Variants in CERS3 observed in about 807,000 individuals in gnomAD.
CERS3 encodes LAG1 homolog, ceramide synthase 3.
Under a neutral mutation model 50.3 loss-of-function variants are expected in CERS3, and 33 were observed. The ratio of observed to expected loss-of-function variants is 0.66; its 90% confidence interval spans 0.50 to 0.88. The LOEUF (loss-of-function observed/expected upper bound fraction) is 0.88, where lower values mean the gene tolerates loss of function less well. CERS3 is among the 40% of genes least tolerant of loss of function. The pLI, the probability that CERS3 is intolerant of heterozygous loss-of-function variation, is 0.00. For synonymous variants in CERS3, 176 were observed against 155.2 expected (o/e 1.13, Z -0.99); for missense variants, 470 against 460.3 (o/e 1.02, Z -0.19).
chr15:100,497,384 G>A (rs56663800), intron 3 of CERS3, among the ~76,000 whole-genome samples: 1 of 151,594 alleles, frequency 6.6e-6, no homozygotes, highest in Admixed American at 6.6e-5. Flanking sequence ...ATATGACAGG[G>A]TTTTGGATAA....
chr15:100,498,248 T>A (rs1332854349), intron 3 of CERS3, among the ~76,000 whole-genome samples: 2 of 152,174 alleles, frequency 1.3e-5, no homozygotes. Flanking sequence ...GTTGTCTAAT[T>A]GAGTGCTATC....
At chr15:100,525,594 G>A (rs76928767) in intron 1 of CERS3, among the ~76,000 whole-genome samples, 1,736 of 152,294 alleles carry the variant, frequency 0.011, 55 homozygotes, top group Admixed American at 0.062. Flanking sequence ...TCAACAGAAA[G>A]CCCTGTGGAG....
rs1052950699 is a variant in CERS3 at position 100,417,241 on chromosome 15, G to A, written c.1000-14376C>T. ...TGGGTGCGTGCACCGTGCGTGAGCC[G>A]AAGCAGGGCGAGGCATTGCCTCACT... On this transcript the variant is annotated intron_variant, in intron 11 of 11. Transcript: ENST00000679737. 1.3e-4 allele frequency among the ~76,000 whole-genome samples: 20 copies of A among 151,908 alleles called. 1 individual carries two copies. The highest frequency in any genetic ancestry group is 6.2e-4 in the South Asian group (3 of 4,806).
chr15:100,536,579 C>A (rs72761207), intron 1 of CERS3, among the ~76,000 whole-genome samples: 15,436 of 152,266 alleles, frequency 0.1, 1,143 homozygotes, highest in Admixed American at 0.2. Context: ...GCCAGCATGA[C>A]TGGCCTAAGT....
chr15:100,445,948 T>C (rs1226751731), intron 11 of CERS3, among the ~76,000 whole-genome samples: 2 of 152,316 alleles, frequency 1.3e-5, no homozygotes, highest in East Asian at 3.9e-4. Context: ...TGACGTTATC[T>C]TGTGAAATTC....
intron 11 of CERS3, among the ~76,000 whole-genome samples, chr15:100,437,581 G>C (rs933964159): frequency 2.6e-5 from 4 of 152,204 alleles, no homozygotes; most frequent in Admixed American, 1.3e-4. Flanking sequence ...GGCTTGCTGA[G>C]AGCCAACTGC....
chr15:100,527,374 C>A (rs1206991213), intron 1 of CERS3, among the ~76,000 whole-genome samples: 3 of 152,310 alleles, frequency 2.0e-5, no homozygotes, highest in East Asian at 1.9e-4. Flanking sequence ...GAATTTTGAT[C>A]TGTCTTTCTA....
At chr15:100,531,597 C>G (rs1241396132), upstream of CERS3, among the ~76,000 whole-genome samples, 1 of 152,162 alleles carries the variant, frequency 6.6e-6, no homozygotes, top group African/African-American at 2.4e-5. Context: ...TAAGGTGATT[C>G]CTTTTTTCTT....
chr15:100,478,113 T>C (rs1352262867), intron 7 of CERS3, among the ~76,000 whole-genome samples: 1 of 152,170 alleles, frequency 6.6e-6, no homozygotes, highest in Non-Finnish European at 1.5e-5. Flanking sequence ...AATCAGACTT[T>C]GACTTTAAAA....
intron 11 of CERS3, among the ~76,000 whole-genome samples, chr15:100,435,306 C>T (rs992276525): frequency 2.6e-5 from 4 of 152,174 alleles, no homozygotes; most frequent in Admixed American, 2.0e-4. Context: ...TGAGTGACTG[C>T]AGGGAAGACA....
Position 100,402,171 on chromosome 15 carries a change from C to T in CERS3, c.*542G>A, listed in dbSNP as rs117447712. ...TGATCTCACTTAATCCTTGCTGTAA[C>T]CCTGTGGGGTGGCAGGCAGGGACTG... On this transcript the variant is annotated 3_prime_UTR_variant, in exon 12 of 12. Transcript: ENST00000679737. 6.5e-6 allele frequency: 1 copy of T among 153,448 alleles called. No individual in the cohort carries two copies. The highest frequency in any genetic ancestry group is 2.4e-5 in the African/African-American group (1 of 41,570). 9.5% of individuals were successfully genotyped at this position (153,448 alleles called of 1,614,324 possible).
At chr15:100,517,922 A>G (rs1179792942) in intron 2 of CERS3, among the ~76,000 whole-genome samples, 2 of 152,212 alleles carry the variant, frequency 1.3e-5, no homozygotes, top group Non-Finnish European at 2.9e-5. Context: ...AAGTTAGAGC[A>G]ATATCTCTGG....
At chr15:100,416,270 C>G (rs1371271742) in intron 11 of CERS3, among the ~76,000 whole-genome samples, 3 of 152,122 alleles carry the variant, frequency 2.0e-5, no homozygotes, top group African/African-American at 4.8e-5. Context: ...CAGAATGGTA[C>G]TGGTACAAAA....
chr15:100,439,909 C>A (rs1226116250), intron 11 of CERS3, among the ~76,000 whole-genome samples: 1 of 152,206 alleles, frequency 6.6e-6, no homozygotes, highest in Non-Finnish European at 1.5e-5. Context: ...ATCAGGAATT[C>A]TTGTCCATGG....
chr15:100,499,498 C>T (rs2035933509), intron 3 of CERS3, among the ~76,000 whole-genome samples: 1 of 152,166 alleles, frequency 6.6e-6, no homozygotes, highest in African/African-American at 2.4e-5. Flanking sequence ...GTCTGTCTCT[C>T]TCTTCTTGAT....
chr15:100,412,617 T>C (rs1486652503), intron 11 of CERS3, among the ~76,000 whole-genome samples: 1 of 152,190 alleles, frequency 6.6e-6, no homozygotes, highest in Non-Finnish European at 1.5e-5. Flanking sequence ...CCCTGATTTA[T>C]AGAAGAAAAA....
intron 2 of CERS3, among the ~76,000 whole-genome samples, chr15:100,506,735 A>C (rs1479049048): frequency 1.3e-5 from 2 of 152,176 alleles, no homozygotes; most frequent in African/African-American, 4.8e-5. Flanking sequence ...AGAGATATAA[A>C]TTAGGTTAGT....
intron 11 of CERS3, among the ~76,000 whole-genome samples, chr15:100,445,879 C>T (rs545980292): frequency 6.6e-5 from 10 of 152,292 alleles, no homozygotes; most frequent in Non-Finnish European, 1.2e-4. Context: ...CTGTTCCTGC[C>T]GTAACTGATG....
At chr15:100,494,251 ATATATATT>A (rs1410277033) in intron 3 of CERS3, among the ~76,000 whole-genome samples, 1,580 of 17,252 alleles carry the variant, frequency 0.092, 113 homozygotes, top group Non-Finnish European at 0.23. Context: ...ATATATATAT[ATATATATT>A]TGTTTTGAGA....
Sources: allele counts gnomAD v4.1 joint callset (sites outside exome capture counted in the v4.1 genomes callset), GRCh38; gene constraint gnomAD v4.1.1; transcripts MANE v1.5; gene names NCBI Gene and HGNC (gene_info 2026-07-23, HGNC 2026-07-21).